GLI3: variants seen among roughly 807,000 people sequenced by gnomAD.
GLI3 encodes the protein transcription activator GLI3.
Under a neutral mutation model 100.8 loss-of-function variants are expected in GLI3, and 20 were observed. The observed-to-expected ratio is 0.20, with a 90% CI of 0.14 to 0.29. GLI3 has a LOEUF of 0.29. Among genes scored for constraint, GLI3 ranks in the 10% least tolerant of loss-of-function variants. The pLI is 1.00. For synonymous variants in GLI3, 938 were observed against 860.5 expected (o/e 1.09, Z -1.58); for missense variants, 2,040 against 2,128.5 (o/e 0.96, Z 0.82).
At chr7:42,127,786 T>C (rs1392651879) in intron 3 of GLI3, among the ~76,000 whole-genome samples, 1 of 152,038 alleles carries the variant, frequency 6.6e-6, no homozygotes, top group African/African-American at 2.4e-5. Flanking sequence ...AGGCAGCAGA[T>C]TGCTTGAGCT....
At position 41,965,187 on chromosome 7, in the gene GLI3, C is replaced by G; in HGVS notation, c.3886G>C (p.Gly1296Arg). ...GACTCATTTGGCGCTACCGGCAGGC[C>G]GAAATTCAGCTGGCCCCCGCTCCCT... The part of the protein sequence containing the change: ...MQGSGGQLNF[G>R]LPVAPNESAG... Residue 1296 changes from glycine (G) to arginine (R), a missense_variant, in exon 15 of 15, where the codon GGC (glycine) becomes CGC (arginine). Gly to Arg is a moderately radical substitution (Grantham distance 125). Transcript: ENST00000395925. 1 of 1,613,846 alleles carries G rather than the reference C, an allele frequency of 6.2e-7. No homozygotes were observed. Among genetic ancestry groups the G allele is most frequent in the Non-Finnish European group, 8.5e-7 (1 of 1,180,030 alleles).
intron 3 of GLI3, among the ~76,000 whole-genome samples, chr7:42,128,047 G>C (rs535098601): frequency 7.3e-6 from 1 of 136,490 alleles, no homozygotes; most frequent in Non-Finnish European, 1.6e-5. Flanking sequence ...AAGAAAAAAG[G>C]AAGGAAACAA....
At chr7:42,017,923 G>A (rs533618696) in intron 10 of GLI3, among the ~76,000 whole-genome samples, 3 of 152,278 alleles carry the variant, frequency 2.0e-5, no homozygotes, top group East Asian at 1.9e-4. Context: ...GGCCTTGGAC[G>A]TTGGGGACAG....
intron 3 of GLI3, among the ~76,000 whole-genome samples, chr7:42,135,455 C>T (rs1032750389): frequency 6.6e-6 from 1 of 152,164 alleles, no homozygotes; most frequent in Admixed American, 6.6e-5. Context: ...AATCAAGTCC[C>T]CTGAAACATT....
Position 42,224,874 on chromosome 7 carries a change from G to A in GLI3, c.-42-1579C>T, listed in dbSNP as rs527238922. 4.6e-5 allele frequency among the ~76,000 whole-genome samples: 7 copies of A among 152,306 alleles called. No individual in the cohort carries two copies. In the East Asian group the frequency reaches 1.4e-3, roughly 29 times the overall value. ...ATCTCATCTGTCAAATGACAGAATC[G>A]GGCAGTGAGATCTGACCTTTACTTT... On this transcript the variant is annotated intron_variant, in intron 1 of 14. Coordinates refer to ENST00000395925, the MANE Select transcript of GLI3 (RefSeq NM_000168.6).
chr7:42,254,990 C>T (rs895401780), intron 1 of GLI3, among the ~76,000 whole-genome samples: 6 of 152,116 alleles, frequency 3.9e-5, no homozygotes, highest in African/African-American at 1.4e-4. Flanking sequence ...TGCTACCTGC[C>T]CACTGCCCCT....
chr7:42,113,169 T>C (rs1408522882), intron 3 of GLI3, among the ~76,000 whole-genome samples: 6 of 152,064 alleles, frequency 3.9e-5, no homozygotes, highest in Admixed American at 3.9e-4. Flanking sequence ...AGAGCGAGAC[T>C]CTGTCTCAAA....
chr7:41,975,821 C>T (rs529135444), intron 12 of GLI3, among the ~76,000 whole-genome samples: 1 of 152,334 alleles, frequency 6.6e-6, no homozygotes, highest in African/African-American at 2.4e-5. Flanking sequence ...TAGGAGACAG[C>T]ATTGGCCTAA....
chr7:42,138,989 C>G (rs1320710964), intron 3 of GLI3, among the ~76,000 whole-genome samples: 3 of 152,178 alleles, frequency 2.0e-5, no homozygotes, highest in Non-Finnish European at 4.4e-5. Flanking sequence ...GCAGGCTCAT[C>G]CACTAATGCC....
At chr7:42,011,867 G>A (rs1175129885) in intron 10 of GLI3, among the ~76,000 whole-genome samples, 7 of 152,094 alleles carry the variant, frequency 4.6e-5, no homozygotes, top group Non-Finnish European at 1.0e-4. Context: ...CTGTGACTGC[G>A]CTCAATGCCA....
At chr7:42,183,074 AT>A (rs1163834163) in intron 2 of GLI3, among the ~76,000 whole-genome samples, 3 of 152,132 alleles carry the variant, frequency 2.0e-5, no homozygotes, top group African/African-American at 7.2e-5. Context: ...TAACAAAAAA[AT>A]AAGCCTGGCA....
intron 3 of GLI3, among the ~76,000 whole-genome samples, chr7:42,115,410 G>C (rs192289609): frequency 1.3e-5 from 2 of 152,270 alleles, no homozygotes; most frequent in Admixed American, 1.3e-4. Context: ...AAAGTGCTGA[G>C]ATTACAGGTG....
upstream of GLI3, among the ~76,000 whole-genome samples, chr7:42,242,401 A>C (rs897216823): frequency 1.3e-5 from 2 of 152,182 alleles, no homozygotes; most frequent in African/African-American, 4.8e-5. Context: ...CCACTTACAT[A>C]AACTGCAGGT....
intron 1 of GLI3, among the ~76,000 whole-genome samples, chr7:42,228,187 C>T (rs1788622103): frequency 6.6e-6 from 1 of 152,128 alleles, no homozygotes; most frequent in South Asian, 2.1e-4. Flanking sequence ...GAAGTCCACG[C>T]CGAGTTCTCC....
chr7:42,262,225 T>TTTCCTTCC (rs71006469), intron 1 of GLI3, among the ~76,000 whole-genome samples: 40 of 118,780 alleles, frequency 3.4e-4, no homozygotes, highest in Admixed American at 5.9e-4. Flanking sequence ...TCCTTCCTTC[T>TTTCCTTCC]TTCCTTCCTT....
At chr7:42,101,442 T>A (rs1036283324) in intron 3 of GLI3, among the ~76,000 whole-genome samples, 126 of 151,986 alleles carry the variant, frequency 8.3e-4, no homozygotes, top group African/African-American at 2.9e-3. Flanking sequence ...CTCTACAATT[T>A]TTTTTTTCTT....
At chr7:42,216,359 G>C in intron 2 of GLI3, among the ~76,000 whole-genome samples, 1 of 152,206 alleles carries the variant, frequency 6.6e-6, no homozygotes, top group Non-Finnish European at 1.5e-5. Flanking sequence ...AGGATAAACT[G>C]GTGGAGCATG....
At chr7:42,046,496 T>C (rs1188086652) in intron 5 of GLI3, among the ~76,000 whole-genome samples, 1 of 152,230 alleles carries the variant, frequency 6.6e-6, no homozygotes, top group Non-Finnish European at 1.5e-5. Flanking sequence ...AGGGAAATAT[T>C]TATCATGTTA....
At chr7:41,979,249 A>G (rs1787590682) in intron 10 of GLI3, among the ~76,000 whole-genome samples, 1 of 152,200 alleles carries the variant, frequency 6.6e-6, no homozygotes, top group Non-Finnish European at 1.5e-5. Context: ...ATTCCAGAAC[A>G]AAAAAACCAA....
Sources: gnomAD v4.1 joint callset for allele counts (sites outside exome capture counted in the v4.1 genomes callset) on GRCh38, gnomAD v4.1.1 for gene constraint, MANE v1.5 for transcripts, NCBI Gene and HGNC (gene_info 2026-07-23, HGNC 2026-07-21) for gene names.